DISP1: variants seen among roughly 807,000 people sequenced by gnomAD.
DISP1 encodes dispatched RND transporter family member 1, also known as protein dispatched homolog 1.
DISP1 carries 30 observed loss-of-function variants against 37.3 expected under a neutral mutation model. The observed-to-expected ratio is 0.80, with a 90% CI of 0.60 to 1.09. The LOEUF is 1.09. Ranked by LOEUF, DISP1 falls within the 50% of genes least tolerant of loss-of-function variation. DISP1 has a pLI of 0.00. For synonymous variants in DISP1, 634 were observed against 690.2 expected, an observed-to-expected ratio of 0.92 and a Z score of 1.28; for missense variants, 1,598 against 1,879.5, an observed-to-expected ratio of 0.85 and a Z score of 2.77.
At chr1:222,977,931 A>C (rs896670809) in intron 3 of DISP1, among the ~76,000 whole-genome samples, 6 of 152,156 alleles carry the variant, frequency 3.9e-5, no homozygotes, top group Non-Finnish European at 8.8e-5. Context: ...AATCCAGTCT[A>C]TCATTGATGG....
rs1309456629 is a variant in DISP1 at position 222,836,866 on chromosome 1, C to T, written c.-159+21788C>T. On this transcript the variant is annotated intron_variant, in intron 1 of 8. Transcript: ENST00000675850. ...GAGTTGAATCCTGGCTTAATCATTG[C>T]TGGCTATGTGGCCTTAGGTAAATAA... The T allele has an allele frequency of 8.0e-6, 3 of 376,574 alleles. No individual in the cohort carries two copies. The Admixed American group carries it at 1.4e-4, about 17-fold the overall frequency. The allele number at this position is 376,574 out of a possible 1,614,324, so 23.3% of individuals were successfully genotyped here. A position where few individuals can be genotyped will look rare whatever the true frequency, so the allele number is the denominator to read the frequency against.
At chr1:222,886,611 A>G (rs1204490385) in intron 1 of DISP1, among the ~76,000 whole-genome samples, 3 of 152,238 alleles carry the variant, frequency 2.0e-5, no homozygotes, top group African/African-American at 7.2e-5. Flanking sequence ...CTTAACTTGC[A>G]TAGATTAACC....
intron 1 of DISP1, among the ~76,000 whole-genome samples, chr1:222,843,683 G>A (rs1667734821): frequency 6.6e-6 from 1 of 152,182 alleles, no homozygotes; most frequent in Non-Finnish European, 1.5e-5. Flanking sequence ...TGCTTCTTGA[G>A]TTCTGTAAAA....
rs1463659788 is a variant in DISP1 at position 222,893,532 on chromosome 1, A to G, written c.-158-34898A>G. On this transcript the variant is annotated intron_variant, in intron 1 of 8. Transcript: ENST00000675850. The surrounding 1 kb of genome is among the most constrained non-coding windows in gnomAD (Gnocchi z 4.3). Reference sequence around the variant, plus strand: ...AGTGTGAGGTCTGGCTGCTGTGCACAGACAGCTAGGCACATCAGCTGCTGT... The same window carrying G: ...AGTGTGAGGTCTGGCTGCTGTGCACGGACAGCTAGGCACATCAGCTGCTGT... Among the ~76,000 whole-genome samples the G allele has an allele frequency of 6.6e-6, 1 of 152,220 alleles. No homozygotes were observed. Among genetic ancestry groups the G allele is most frequent in the Admixed American group, 6.5e-5 (1 of 15,290 alleles).
chr1:222,922,416 A>G (rs1672849917), intron 1 of DISP1, among the ~76,000 whole-genome samples: 1 of 152,170 alleles, frequency 6.6e-6, no homozygotes, highest in Admixed American at 6.6e-5. Context: ...GAGGAAATGG[A>G]AAGGATGGGT....
intron 1 of DISP1, among the ~76,000 whole-genome samples, chr1:222,842,823 A>G (rs927131932): frequency 4.6e-5 from 7 of 151,892 alleles, no homozygotes; most frequent in Admixed American, 1.3e-4. Flanking sequence ...TCCTAATCTT[A>G]TGGTTGTCTG....
intron 1 of DISP1, among the ~76,000 whole-genome samples, chr1:222,858,191 ATT>A (rs1363856282): frequency 6.6e-6 from 1 of 152,216 alleles, no homozygotes; most frequent in Non-Finnish European, 1.5e-5. Context: ...TGGGGAAAGG[ATT>A]CCCTATTTAA....
Position 222,893,180 on chromosome 1 carries a change from T to A in DISP1, c.-158-35250T>A, listed in dbSNP as rs1671031664. On this transcript the variant is annotated intron_variant, in intron 1 of 8. Transcript: ENST00000675850. The surrounding 1 kb of genome is among the most constrained non-coding windows in gnomAD (Gnocchi z 4.3). ...TGGTTGATAATTATAAACCATGCCT[T>A]TATTATTAAATCTTTTGTGTTAAGA... is the stretch of plus-strand genomic sequence containing the variant. Among the ~76,000 whole-genome samples, 1 of 152,248 alleles carries A rather than the reference T, an allele frequency of 6.6e-6. No individual in the cohort carries two copies. Among genetic ancestry groups the A allele is most frequent in the Non-Finnish European group, 1.5e-5 (1 of 68,042 alleles).
At chr1:222,908,207 G>A (rs1193630104) in intron 1 of DISP1, among the ~76,000 whole-genome samples, 1 of 152,076 alleles carries the variant, frequency 6.6e-6, no homozygotes. Context: ...CTTTCATTTG[G>A]TATGTTGATG....
chr1:222,825,603 T>G (rs554824948), intron 1 of DISP1, among the ~76,000 whole-genome samples: 12 of 149,952 alleles, frequency 8.0e-5, no homozygotes, highest in Non-Finnish European at 1.3e-4. Flanking sequence ...TGGGTTCAAG[T>G]GATTCTCGTG....
intron 2 of DISP1, among the ~76,000 whole-genome samples, chr1:222,936,651 ATCTCTCATATATATGAGGT>A (rs1243770024): frequency 7.2e-5 from 8 of 111,064 alleles, no homozygotes; most frequent in Admixed American, 2.3e-4. Flanking sequence ...AGATATATAT[ATCTCTCATATATATGAGGT>A]ATATATAATA....
At chr1:222,862,275 ATTG>A (rs1668919484) in intron 1 of DISP1, among the ~76,000 whole-genome samples, 1 of 152,134 alleles carries the variant, frequency 6.6e-6, no homozygotes, top group African/African-American at 2.4e-5. Flanking sequence ...AGATTTATTA[ATTG>A]TTAACTAAGT....
At chr1:222,928,170 A>G (rs1673187865) in intron 1 of DISP1, among the ~76,000 whole-genome samples, 1 of 152,254 alleles carries the variant, frequency 6.6e-6, no homozygotes, top group African/African-American at 2.4e-5. Context: ...AAAGGAAGTT[A>G]TAACTAAAAA....
In DISP1 at chr1:222,905,914, A is replaced by G. The variant is rs867287488; in HGVS notation, c.-158-22516A>G. 2.6e-4 allele frequency among the ~76,000 whole-genome samples: 39 copies of G among 152,230 alleles called. 1 individual carries two copies. The highest frequency in any genetic ancestry group is 9.4e-4 in the African/African-American group (39 of 41,468). ...AAGAGTGCATAAAATGTTACCATTAACTATGTATTGCTATAGTGCAATCTG... is the reference window on the plus strand; with the variant it reads ...AAGAGTGCATAAAATGTTACCATTAGCTATGTATTGCTATAGTGCAATCTG... On this transcript the variant is annotated intron_variant, in intron 1 of 8. Transcript: ENST00000675850.
chr1:222,833,534 A>G (rs765823393), intron 1 of DISP1, among the ~76,000 whole-genome samples: 10 of 152,212 alleles, frequency 6.6e-5, no homozygotes, highest in South Asian at 2.1e-4. Flanking sequence ...GAATATAGGA[A>G]ATGGGGTTTG....
At chr1:222,872,182 G>A (rs1669629428) in intron 1 of DISP1, 1 of 152,168 alleles carries the variant, frequency 6.6e-6, no homozygotes, top group Admixed American at 6.5e-5. Context: ...GCTGAATTCG[G>A]TTTGCCAGTA....
At chr1:222,996,827 G>A (rs896524361) in intron 8 of DISP1, among the ~76,000 whole-genome samples, 8 of 151,992 alleles carry the variant, frequency 5.3e-5, no homozygotes, top group Non-Finnish European at 1.0e-4. Flanking sequence ...CCCCCGTTTT[G>A]TTTCCTGTAT....
rs1033161732 is a variant in DISP1 at position 222,907,181 on chromosome 1, G to A, written c.-158-21249G>A. ...GCAAGAATTGTGAATGGGTTTCCTAGGTTGGTCAAGAGGTGAGCTCAGGAG... is the reference window on the plus strand; with the variant it reads ...GCAAGAATTGTGAATGGGTTTCCTAAGTTGGTCAAGAGGTGAGCTCAGGAG... On this transcript the variant is annotated intron_variant, in intron 1 of 8. Coordinates refer to ENST00000675850, the MANE Select transcript of DISP1 (RefSeq NM_001377229.1). Among the ~76,000 whole-genome samples the A allele has an allele frequency of 4.6e-5, 7 of 152,252 alleles. No individual in the cohort carries two copies. The East Asian group carries it at 1.4e-3, about 29-fold the overall frequency.
chr1:222,884,047 T>C (rs1230447718), intron 1 of DISP1, among the ~76,000 whole-genome samples: 1 of 152,180 alleles, frequency 6.6e-6, no homozygotes, highest in East Asian at 1.9e-4. Flanking sequence ...TAATTACTGT[T>C]TGGATCTGTT....
Sources: gnomAD v4.1 joint callset for allele counts (sites outside exome capture counted in the v4.1 genomes callset) on GRCh38, gnomAD v4.1.1 for gene constraint, Gnocchi (gnomAD v3.1) non-coding constraint, MANE v1.5 for transcripts, NCBI Gene and HGNC (gene_info 2026-07-23, HGNC 2026-07-21) for gene names.